The following PCDHGA1 variants were observed in gnomAD, a reference collection of about 807,000 sequenced individuals.
PCDHGA1 encodes protocadherin gamma subfamily A, 1.
Under a neutral mutation model 58.0 loss-of-function variants are expected in PCDHGA1, and 32 were observed. The observed-to-expected ratio is 0.55, with a 90% CI of 0.42 to 0.74. The LOEUF is 0.74. PCDHGA1 is among the 30% of genes least tolerant of loss of function. PCDHGA1 has a pLI of 0.00. For missense variants in PCDHGA1, 1,205 were observed against 1,182.3 expected, an observed-to-expected ratio of 1.02 and a Z score of -0.28; for synonymous variants, 498 against 501.1, an observed-to-expected ratio of 0.99 and a Z score of 0.08.
At chr5:141,366,466 G>A in intron 1 of PCDHGA1, 1 of 1,614,228 alleles carries the variant, frequency 6.2e-7, no homozygotes, top group Non-Finnish European at 8.5e-7. Context: ...TCGTGCTGCT[G>A]GTGCTCAGAC....
chr5:141,399,332 C>T (rs2093787388), intron 1 of PCDHGA1: 1 of 1,613,994 alleles, frequency 6.2e-7, no homozygotes, highest in Non-Finnish European at 8.5e-7. Flanking sequence ...AAGTTGGTAA[C>T]AGATGGAACC....
chr5:141,404,081 G>A (rs1436868245), intron 1 of PCDHGA1: 10 of 1,613,302 alleles, frequency 6.2e-6, no homozygotes, highest in South Asian at 2.2e-5. Context: ...CCGAGACTCC[G>A]GGAAGAATGG....
At position 141,409,955 on chromosome 5, in the gene PCDHGA1, G is replaced by A. The variant is rs946959934; in HGVS notation, c.2421+76850G>A. On this transcript the variant is annotated intron_variant, in intron 1 of 3. Coordinates refer to ENST00000517417, the MANE Select transcript of PCDHGA1 (RefSeq NM_018912.3). ...TATGGTACCTCGCTCTGCAGAGCCC[G>A]GCTACCTAGTGACTAAGGTGGTAGC... is the stretch of plus-strand genomic sequence containing the variant. The A allele has an allele frequency of 2.8e-5, 45 of 1,613,234 alleles. No individual in the cohort carries two copies. The highest frequency in any genetic ancestry group is 3.6e-5 in the Non-Finnish European group (42 of 1,179,814).
chr5:141,497,473 AGGT>A (rs2099776769), intron 2 of PCDHGA1, among the ~76,000 whole-genome samples: 1 of 151,750 alleles, frequency 6.6e-6, no homozygotes. Flanking sequence ...ATGGAGGAGA[AGGT>A]GCGGAACCTC....
Position 141,476,715 on chromosome 5 carries a change from G to C in PCDHGA1, c.2422-18092G>C. 6.2e-7 allele frequency: 1 copy of C among 1,614,168 alleles called. No individual in the cohort carries two copies. The highest frequency in any genetic ancestry group is 8.5e-7 in the Non-Finnish European group (1 of 1,180,030). On this transcript the variant is annotated intron_variant, in intron 1 of 3. Transcript: ENST00000517417. The surrounding 1 kb of genome is among the most constrained non-coding windows in gnomAD (Gnocchi z 7.6). ...AAGTACGCGGAGCTGGTGTTGGAGC[G>C]CGCCCTGGACCGAGAACGGGAGCCT...
chr5:141,381,988 C>A (rs1777837622), intron 1 of PCDHGA1, among the ~76,000 whole-genome samples: 1 of 151,770 alleles, frequency 6.6e-6, no homozygotes, highest in South Asian at 2.1e-4. Flanking sequence ...CGCCACCACG[C>A]CCGGATAATT....
At chr5:141,351,896 G>A (rs775011195) in intron 1 of PCDHGA1, 35 of 1,613,322 alleles carry the variant, frequency 2.2e-5, no homozygotes, top group Non-Finnish European at 2.6e-5. Flanking sequence ...GAGCCTGCGC[G>A]TGTTGGTGGG....
intron 1 of PCDHGA1, among the ~76,000 whole-genome samples, chr5:141,481,789 T>TAAAAATAC (rs972511310): frequency 3.3e-5 from 5 of 151,186 alleles, no homozygotes; most frequent in African/African-American, 1.2e-4. Flanking sequence ...CCGTCTCTAC[T>TAAAAATAC]AAAAATACAA....
intron 1 of PCDHGA1, chr5:141,366,845 A>G: frequency 6.8e-7 from 1 of 1,477,098 alleles, no homozygotes; most frequent in Non-Finnish European, 9.1e-7. Flanking sequence ...AGTTATGTAA[A>G]TAGTGGAACA....
At chr5:141,417,213 G>A (rs1470553702) in intron 1 of PCDHGA1, 2 of 152,108 alleles carry the variant, frequency 1.3e-5, no homozygotes, top group African/African-American at 4.8e-5. Context: ...GGCTAGAATT[G>A]AAGACAAAAA....
At chr5:141,470,900 G>A (rs1454085317) in intron 1 of PCDHGA1, among the ~76,000 whole-genome samples, 4 of 151,832 alleles carry the variant, frequency 2.6e-5, no homozygotes, top group African/African-American at 9.7e-5. Context: ...GTTTTTTGTA[G>A]AGATGGGACT....
chr5:141,426,797 C>A (rs1487716495), intron 1 of PCDHGA1: 1 of 456,706 alleles, frequency 2.2e-6, no homozygotes, highest in Non-Finnish European at 4.4e-6. Context: ...GTTACCAGCT[C>A]AGTTCTAATG....
intron 1 of PCDHGA1, chr5:141,340,762 C>T (rs763994246): frequency 1.9e-6 from 3 of 1,613,870 alleles, no homozygotes; most frequent in Non-Finnish European, 1.7e-6. Context: ...TGGACAGAGA[C>T]TCGGGCCAGA....
At chr5:141,375,524 G>C (rs746416710) in intron 1 of PCDHGA1, 2 of 1,613,868 alleles carry the variant, frequency 1.2e-6, no homozygotes, top group African/African-American at 2.7e-5. Flanking sequence ...GGACCCTGAC[G>C]TGGACCAGAA....
intron 1 of PCDHGA1, chr5:141,339,306 A>G (rs1170769341): frequency 6.2e-7 from 1 of 1,614,232 alleles, no homozygotes. Context: ...CTGCTGGAGG[A>G]TAAATTGACT....
In PCDHGA1 at chr5:141,476,978, C is replaced by G; in HGVS notation, c.2422-17829C>G. 1.2e-6 allele frequency: 2 copies of G among 1,614,256 alleles called. No individual in the cohort carries two copies. Among genetic ancestry groups the G allele is most frequent in the Non-Finnish European group, 1.7e-6 (2 of 1,180,058 alleles). Reference sequence around the variant, plus strand: ...TATTTACTCCTTCGGCAGCCACAACCGCGCCGGCGTGCGGCAACTATTCGC... The same window carrying G: ...TATTTACTCCTTCGGCAGCCACAACGGCGCCGGCGTGCGGCAACTATTCGC... On this transcript the variant is annotated intron_variant, in intron 1 of 3. Transcript: ENST00000517417. This position sits in a 1 kb window ranked among gnomAD's most constrained non-coding sequence, Gnocchi z 7.6.
chr5:141,410,671 C>G (rs771368781), intron 1 of PCDHGA1: 1 of 1,563,260 alleles, frequency 6.4e-7, no homozygotes, highest in South Asian at 1.2e-5. Context: ...ACTAGTTTCT[C>G]ATATTTTAGG....
chr5:141,393,443 G>T, intron 1 of PCDHGA1: 1 of 1,614,048 alleles, frequency 6.2e-7, no homozygotes, highest in Non-Finnish European at 8.5e-7. Context: ...CTCACCACCT[G>T]GTCCTCACGG....
At chr5:141,451,113 C>T (rs2098707217) in intron 1 of PCDHGA1, among the ~76,000 whole-genome samples, 1 of 152,152 alleles carries the variant, frequency 6.6e-6, no homozygotes. Context: ...CAGGCGTGAG[C>T]CACCACACCC....
Sources: allele counts gnomAD v4.1 joint callset (sites outside exome capture counted in the v4.1 genomes callset), GRCh38; gene constraint gnomAD v4.1.1; non-coding constraint Gnocchi (gnomAD v3.1); transcripts MANE v1.5; gene names NCBI Gene and HGNC (gene_info 2026-07-23, HGNC 2026-07-21).